BICC1: variants seen among roughly 807,000 people sequenced by gnomAD.
BICC1 encodes the protein protein bicaudal C homolog 1.
BICC1 carries 43 observed loss-of-function variants against 111.0 expected under a neutral mutation model. The observed-to-expected ratio is 0.39, with a 90% CI of 0.30 to 0.50. The LOEUF is 0.50. BICC1 is among the 20% of genes least tolerant of loss of function. BICC1 has a pLI of 0.88. For synonymous variants in BICC1, 467 were observed against 434.4 expected, an observed-to-expected ratio of 1.07 and a Z score of -0.93; for missense variants, 1,091 against 1,203.2, an observed-to-expected ratio of 0.91 and a Z score of 1.38.
intron 2 of BICC1, among the ~76,000 whole-genome samples, chr10:58,656,145 C>A (rs893848478): frequency 6.6e-6 from 1 of 151,962 alleles, no homozygotes; most frequent in Non-Finnish European, 1.5e-5. Context: ...CAAGACTAAA[C>A]CAGGAAGAAG....
intron 1 of BICC1, among the ~76,000 whole-genome samples, chr10:58,580,014 T>C (rs1271128151): frequency 1.4e-5 from 2 of 142,764 alleles, no homozygotes; most frequent in African/African-American, 5.0e-5. Flanking sequence ...ACAAGAAAGC[T>C]GTCCTCTTAG....
At chr10:58,711,623 T>G (rs966755655) in intron 3 of BICC1, among the ~76,000 whole-genome samples, 1 of 152,164 alleles carries the variant, frequency 6.6e-6, no homozygotes, top group Non-Finnish European at 1.5e-5. Context: ...TAGTTCCGCC[T>G]TCTTCTCTTC....
chr10:58,808,143 C>T (rs963836826), intron 17 of BICC1, among the ~76,000 whole-genome samples: 1 of 151,562 alleles, frequency 6.6e-6, no homozygotes, highest in African/African-American at 2.4e-5. Context: ...AAAGAGTCTC[C>T]TGTGAATTTC....
rs976687857 is a variant in BICC1, at chr10:58,614,476, G to T, written c.191-6379G>T. 2.6e-5 allele frequency among the ~76,000 whole-genome samples: 4 copies of T among 152,210 alleles called. No homozygotes were observed. In the South Asian group the frequency reaches 8.3e-4, roughly 31 times the overall value. ...AACACTTGGAATAAAAAAGTCCAAAGATTTTTGCTGCCAGTGAATGTAATT... is the reference window on the plus strand; with the variant it reads ...AACACTTGGAATAAAAAAGTCCAAATATTTTTGCTGCCAGTGAATGTAATT... On this transcript the variant is annotated intron_variant, in intron 1 of 20. Transcript: ENST00000373886.
At chr10:58,805,842 A>G (rs982956104) in intron 15 of BICC1, among the ~76,000 whole-genome samples, 1 of 152,224 alleles carries the variant, frequency 6.6e-6, no homozygotes, top group Non-Finnish European at 1.5e-5. Flanking sequence ...GATAACACTC[A>G]GAAAAGATTT....
intron 2 of BICC1, among the ~76,000 whole-genome samples, chr10:58,621,946 GA>G (rs781606575): frequency 7.6e-5 from 2 of 26,224 alleles, no homozygotes; most frequent in Admixed American, 4.7e-4. Flanking sequence ...GAATAGAATA[GA>G]ATAGAATAGA....
At chr10:58,631,410 C>G (rs1837790549) in intron 2 of BICC1, among the ~76,000 whole-genome samples, 1 of 151,252 alleles carries the variant, frequency 6.6e-6, no homozygotes, top group South Asian at 2.1e-4. Context: ...TTTTTAAATT[C>G]ATTGGATGTA....
At chr10:58,605,398 T>C (rs543864212) in intron 1 of BICC1, among the ~76,000 whole-genome samples, 10 of 152,346 alleles carry the variant, frequency 6.6e-5, no homozygotes, top group Middle Eastern at 6.8e-3. Flanking sequence ...CTTTAGCCAT[T>C]GTCTGTTGTA....
Position 58,750,734 on chromosome 10 carries a change from G to A in BICC1, c.308-34267G>A, listed in dbSNP as rs534544810. On this transcript the variant is annotated intron_variant, in intron 3 of 20. Transcript: ENST00000373886. ...TTTTAAACAAAATGCCTCCCATCTAGGTCATAATTACCATTATAATCCAGC... is the reference window on the plus strand; with the variant it reads ...TTTTAAACAAAATGCCTCCCATCTAAGTCATAATTACCATTATAATCCAGC... 2.6e-5 allele frequency among the ~76,000 whole-genome samples: 4 copies of A among 152,248 alleles called. 1 individual carries two copies. In the East Asian group the frequency reaches 7.7e-4, roughly 29 times the overall value.
intron 8 of BICC1, among the ~76,000 whole-genome samples, chr10:58,792,408 A>T (rs1843210138): frequency 6.6e-6 from 1 of 152,184 alleles, no homozygotes; most frequent in African/African-American, 2.4e-5. Flanking sequence ...GGGGTCCTCA[A>T]TCCCCGGGAC....
chr10:58,780,936 A>G (rs1471116186), intron 3 of BICC1, among the ~76,000 whole-genome samples: 2 of 152,214 alleles, frequency 1.3e-5, no homozygotes, highest in Non-Finnish European at 2.9e-5. Flanking sequence ...TATCCATATG[A>G]AAGTCACAAG....
At chr10:58,556,945 G>C (rs1484744151) in intron 1 of BICC1, among the ~76,000 whole-genome samples, 1 of 151,994 alleles carries the variant, frequency 6.6e-6, no homozygotes, top group Admixed American at 6.6e-5. Flanking sequence ...GCCCCTAAAG[G>C]ATGTCTACAT....
intron 1 of BICC1, among the ~76,000 whole-genome samples, chr10:58,535,488 T>C (rs563518572): frequency 1.3e-5 from 2 of 151,738 alleles, no homozygotes; most frequent in African/African-American, 4.8e-5. Context: ...CTAAGTTTCA[T>C]AAATGAAGGA....
At chr10:58,588,657 T>A (rs1021050491) in intron 1 of BICC1, among the ~76,000 whole-genome samples, 1 of 152,150 alleles carries the variant, frequency 6.6e-6, no homozygotes, top group African/African-American at 2.4e-5. Flanking sequence ...CTCTAGTGGA[T>A]CCAGCTCCAG....
chr10:58,739,063 G>A (rs550952893), intron 3 of BICC1, among the ~76,000 whole-genome samples: 2 of 152,060 alleles, frequency 1.3e-5, no homozygotes, highest in Non-Finnish European at 2.9e-5. Context: ...TTTCCTAATT[G>A]AATACCCTTT....
chr10:58,725,004 T>G (rs1305714425), intron 3 of BICC1, among the ~76,000 whole-genome samples: 1 of 152,160 alleles, frequency 6.6e-6, no homozygotes, highest in Non-Finnish European at 1.5e-5. Flanking sequence ...AGATGTAAAC[T>G]GATATACCTA....
intron 2 of BICC1, among the ~76,000 whole-genome samples, chr10:58,672,173 T>C (rs1480776120): frequency 6.6e-6 from 1 of 152,164 alleles, no homozygotes; most frequent in Non-Finnish European, 1.5e-5. Context: ...GCAACCATCA[T>C]CACCATCCAT....
At chr10:58,658,151 A>C (rs1253553560) in intron 2 of BICC1, among the ~76,000 whole-genome samples, 1 of 152,148 alleles carries the variant, frequency 6.6e-6, no homozygotes, top group African/African-American at 2.4e-5. Flanking sequence ...ATTTCTGTTC[A>C]TCAAGTCTTC....
chr10:58,792,311 A>G (rs917148603), intron 8 of BICC1, among the ~76,000 whole-genome samples: 4 of 152,180 alleles, frequency 2.6e-5, no homozygotes, highest in Non-Finnish European at 4.4e-5. Context: ...AGTAGTAACA[A>G]TTTACTCCAG....
Sources: gnomAD v4.1 joint callset for allele counts (sites outside exome capture counted in the v4.1 genomes callset) on GRCh38, gnomAD v4.1.1 for gene constraint, MANE v1.5 for transcripts, NCBI Gene and HGNC (gene_info 2026-07-23, HGNC 2026-07-21) for gene names.